Variants in BTG4 observed in about 807,000 individuals in gnomAD.
BTG4 encodes BTG anti-proliferation factor 4.
In BTG4, 10 loss-of-function variants were observed where a neutral mutation model predicts 19.3. The observed-to-expected ratio is 0.52, with a 90% CI of 0.32 to 0.88. BTG4 has a LOEUF of 0.88. Among genes scored for constraint, BTG4 ranks in the 40% least tolerant of loss-of-function variants. The probability of loss-of-function intolerance (pLI) is 0.04; values close to 1 mark genes in which losing one functional copy is unlikely to be tolerated. For synonymous variants in BTG4, 91 were observed against 95.7 expected, an observed-to-expected ratio of 0.95 and a Z score of 0.29; for missense variants, 238 against 281.9, an observed-to-expected ratio of 0.84 and a Z score of 1.11.
the BTG4 span, among the ~76,000 whole-genome samples, chr11:111,391,237 T>G: frequency 6.6e-6 from 1 of 152,132 alleles, no homozygotes; most frequent in African/African-American, 2.4e-5. Context: ...AGGATGCTGG[T>G]TTTTGAAGAC....
chr11:111,507,021 A>G (rs1781352525), intron 1 of BTG4, among the ~76,000 whole-genome samples: 1 of 152,112 alleles, frequency 6.6e-6, no homozygotes. Context: ...GGAAATAAAG[A>G]TAACAAATGA....
the BTG4 span, chr11:111,460,427 C>T: frequency 9.8e-5 from 15 of 152,506 alleles, no homozygotes; most frequent in African/African-American, 3.4e-4. Flanking sequence ...TCAGCAACTA[C>T]ATATTGAGAG....
intron 5 of BTG4, among the ~76,000 whole-genome samples, chr11:111,479,332 G>A (rs1472179159): frequency 2.0e-5 from 3 of 152,040 alleles, no homozygotes; most frequent in Admixed American, 6.6e-5. Flanking sequence ...AGAATAAGCC[G>A]GGTGCAGTGA....
chr11:111,412,716 T>G, the BTG4 span, among the ~76,000 whole-genome samples: 1 of 152,200 alleles, frequency 6.6e-6, no homozygotes, highest in Non-Finnish European at 1.5e-5. Context: ...AGAGGTTAAG[T>G]GACTTGACCA....
the BTG4 span, among the ~76,000 whole-genome samples, chr11:111,453,256 C>G: frequency 6.6e-6 from 1 of 152,138 alleles, no homozygotes; most frequent in Non-Finnish European, 1.5e-5. Flanking sequence ...GGGGGAAAAA[C>G]GACAGAGACC....
downstream of BTG4, among the ~76,000 whole-genome samples, chr11:111,465,422 T>A (rs80272152): frequency 5.0e-3 from 754 of 152,284 alleles, 3 homozygotes; most frequent in African/African-American, 0.017. Flanking sequence ...AGAATAAAAA[T>A]TTTATGGAGT....
intron 1 of BTG4, among the ~76,000 whole-genome samples, chr11:111,501,710 G>A (rs754161211): frequency 3.3e-5 from 5 of 152,024 alleles, no homozygotes; most frequent in African/African-American, 4.8e-5. Flanking sequence ...TTGAGGTAAT[G>A]GATATCCCAA....
chr11:111,415,413 T>C, the BTG4 span, among the ~76,000 whole-genome samples: 1 of 152,338 alleles, frequency 6.6e-6, no homozygotes, highest in South Asian at 2.1e-4. Context: ...AAGATAGGGC[T>C]TGCAAAGACA....
chr11:111,387,607 C>T, the BTG4 span, among the ~76,000 whole-genome samples: 233 of 152,286 alleles, frequency 1.5e-3, no homozygotes, highest in African/African-American at 5.3e-3. Flanking sequence ...CAGATGGCCT[C>T]TAGCCACTCT....
At chr11:111,447,637 C>T in the BTG4 span, among the ~76,000 whole-genome samples, 3 of 152,248 alleles carry the variant, frequency 2.0e-5, no homozygotes, top group Non-Finnish European at 4.4e-5. Flanking sequence ...AGAGAAGAAC[C>T]GTGGAGAGCA....
At position 111,497,044 on chromosome 11, in the gene BTG4, A is replaced by G; in HGVS notation, c.510+167T>C. 7.0e-6 allele frequency: 4 copies of G among 569,922 alleles called. No individual in the cohort carries two copies. The South Asian group carries it at 1.0e-4, about 15-fold the overall frequency. The allele number at this position is 569,922 out of a possible 1,614,324, so 35.3% of individuals were successfully genotyped here. A position where few individuals can be genotyped will look rare whatever the true frequency, so the allele number is the denominator to read the frequency against. On this transcript the variant is annotated intron_variant, in intron 4 of 4. Transcript: ENST00000692032. The stretch of plus-strand genomic sequence containing the variant: ...GCCAAGTGTAGGGAATACATTGTGC[A>G]GTGAAGGAGACAGAAAAAGTTTTGC...
upstream of BTG4, chr11:111,514,228 C>T (rs1282321664): frequency 6.3e-6 from 1 of 157,800 alleles, no homozygotes; most frequent in Non-Finnish European, 1.4e-5. Context: ...ACTTTAAATC[C>T]AGCTTGTTTC....
upstream of BTG4, chr11:111,512,937 G>A (rs757936153): frequency 5.4e-5 from 24 of 446,102 alleles, no homozygotes; most frequent in Admixed American, 6.1e-4. Context: ...GCGGGTGCCC[G>A]GTGCTCGGTT....
intron 2 of BTG4, 126 bp downstream of exon 2, chr11:111,498,478 A>G: frequency 1.2e-6 from 1 of 838,204 alleles, no homozygotes; most frequent in Non-Finnish European, 1.9e-6. Context: ...ACGTTCAAAC[A>G]AATAAACTCG....
the BTG4 span, among the ~76,000 whole-genome samples, chr11:111,413,433 T>C: frequency 3.3e-5 from 5 of 152,244 alleles, no homozygotes; most frequent in Non-Finnish European, 5.9e-5. Flanking sequence ...AATGCCCACA[T>C]AGCAGTAGAC....
chr11:111,467,117 C>T (rs1863764837), downstream of BTG4, among the ~76,000 whole-genome samples: 1 of 152,176 alleles, frequency 6.6e-6, no homozygotes, highest in African/African-American at 2.4e-5. Flanking sequence ...TAGTCACTTT[C>T]TACATGCCAG....
At chr11:111,441,848 A>G in the BTG4 span, among the ~76,000 whole-genome samples, 1 of 151,888 alleles carries the variant, frequency 6.6e-6, no homozygotes, top group Non-Finnish European at 1.5e-5. Flanking sequence ...CACTTGAGGT[A>G]AGGAGTTCAA....
intron 5 of BTG4, among the ~76,000 whole-genome samples, chr11:111,467,920 A>C (rs1165590901): frequency 2.0e-5 from 3 of 152,224 alleles, no homozygotes; most frequent in African/African-American, 7.2e-5. Context: ...CAGAGGTTCC[A>C]GGCTGGTATT....
At chr11:111,396,769 C>A in the BTG4 span, 3 of 152,158 alleles carry the variant, frequency 2.0e-5, no homozygotes, top group East Asian at 5.8e-4. Context: ...GATAATTAAT[C>A]GCATGTTGCT....
Sources: allele counts gnomAD v4.1 joint callset (sites outside exome capture counted in the v4.1 genomes callset), GRCh38; gene constraint gnomAD v4.1.1; transcripts MANE v1.5; gene names NCBI Gene and HGNC (gene_info 2026-07-23, HGNC 2026-07-21).